The following PELI3 variants were observed in gnomAD, a reference collection of about 807,000 sequenced individuals.
PELI3 encodes pellino E3 ubiquitin protein ligase family member 3, also known as E3 ubiquitin-protein ligase pellino homolog 3.
In PELI3, 19 loss-of-function variants were observed where a neutral mutation model predicts 35.5. The observed-to-expected ratio is 0.54, with a 90% CI of 0.37 to 0.79. The LOEUF is 0.79. Among genes scored for constraint, PELI3 ranks in the 30% least tolerant of loss-of-function variants. The pLI, the probability that PELI3 is intolerant of heterozygous loss-of-function variation, is 0.00. For synonymous variants in PELI3, 262 were observed against 279.2 expected (o/e 0.94, Z 0.62); for missense variants, 490 against 661.2 (o/e 0.74, Z 2.84).
In PELI3 at chr11:66,475,946, T is replaced by C; in HGVS notation, c.1189T>C (p.Trp397Arg). The change falls in exon 8 of 8, where the codon TGG becomes CGG. Residue 397 changes from tryptophan (W) to arginine (R), a missense_variant. Physicochemically the swap from Trp to Arg is moderately radical, Grantham distance 101. Coordinates refer to ENST00000320740, the MANE Select transcript of PELI3 (RefSeq NM_145065.3). ...CRLVGPYVPL[W>R]LGQEAGLCLD... The stretch of plus-strand genomic sequence containing the variant: ...CCTTGTGGGGCCTTATGTGCCTCTA[T>C]GGCTTGGCCAGGAGGCCGGCCTCTG... The C allele has an allele frequency of 1.2e-6, 2 of 1,611,614 alleles. No homozygotes were observed. Among genetic ancestry groups the C allele is most frequent in the East Asian group, 2.2e-5 (1 of 44,872 alleles).
chr11:66,473,877 T>G lies in PELI3; in HGVS notation c.792T>G (p.Asn264Lys), dbSNP rs766703005. The part of the protein sequence containing the change: ...GVWREISVCG[N>K]VYTLRDSRSA... ...GGCGGGAGATCTCGGTCTGTGGGAA[T>G]GTGTACACATTGCGGGACAGCCGCT... The change falls in exon 7 of 8, where the codon AAT (asparagine) becomes AAG (lysine). Residue 264 changes from asparagine to lysine, a missense_variant. Coordinates refer to ENST00000320740, the MANE Select transcript of PELI3 (RefSeq NM_145065.3). The surrounding 1 kb of genome is among the most constrained non-coding windows in gnomAD (Gnocchi z 5.8). 3.6e-5 allele frequency: 58 copies of G among 1,613,584 alleles called. No homozygotes were observed. In the East Asian group the frequency reaches 1.2e-3, roughly 35 times the overall value.
chr11:66,470,814 G>A (rs1220345571), intron 3 of PELI3, among the ~76,000 whole-genome samples: 3 of 152,182 alleles, frequency 2.0e-5, no homozygotes, highest in Admixed American at 1.3e-4. Context: ...TGATCCTAGG[G>A]CGAGAATTCC....
At chr11:66,472,182 C>T (rs575015649) in intron 4 of PELI3, among the ~76,000 whole-genome samples, 187 bp from the exon 5 acceptor site, 5 of 152,204 alleles carry the variant, frequency 3.3e-5, no homozygotes, top group African/African-American at 1.2e-4. Flanking sequence ...CCTGATAACC[C>T]CATCCTTAGG....
Position 66,473,562 on chromosome 11 carries a change from C to A in PELI3, c.651+127C>A. ...AAATGGTGGTCCTGGCAGTTAGCAA[C>A]CCCACCTAACTGATGAGCAAAGTGA... On this transcript the variant is annotated intron_variant, in intron 6 of 7. Coordinates refer to ENST00000320740, the MANE Select transcript of PELI3 (RefSeq NM_145065.3). This position sits in a 1 kb window ranked among gnomAD's most constrained non-coding sequence, Gnocchi z 5.8. 7.6e-7 allele frequency: 1 copy of A among 1,313,210 alleles called. No homozygotes were observed. Among genetic ancestry groups the A allele is most frequent in the African/African-American group, 1.5e-5 (1 of 67,360 alleles). The allele number at this position is 1,313,210 out of a possible 1,614,324, so 81.3% of individuals were successfully genotyped here. A position where few individuals can be genotyped will look rare whatever the true frequency, so the allele number is the denominator to read the frequency against.
At position 66,476,164 on chromosome 11, in the gene PELI3, T is replaced by C. The variant is rs1266632064; in HGVS notation, c.1407T>C (p.Asp469=). 1 of 1,544,322 alleles carries C rather than the reference T, an allele frequency of 6.5e-7. No individual in the cohort carries two copies. Among genetic ancestry groups the C allele is most frequent in the South Asian group, 1.2e-5 (1 of 85,272 alleles). Residue 469 remains aspartate (D), a synonymous_variant, in exon 8 of 8, where the codon GAT becomes GAC. Transcript: ENST00000320740. The part of the protein sequence containing the change: ...CVRLIFQGPL[D] The stretch of plus-strand genomic sequence containing the variant: ...GCCTCATTTTCCAGGGCCCGCTGGA[T>C]TAGGCTCCCTGGGGCCCCCTGCTGC...
Position 66,476,239 on chromosome 11 carries a change from C to T in PELI3, c.*72C>T. The stretch of plus-strand genomic sequence containing the variant: ...CCCACCTCCTGCAGCCCAGAGGGAG[C>T]TCTGCATGTGGGACACTCCCTGCTG... On this transcript the variant is annotated 3_prime_UTR_variant, in exon 8 of 8. Transcript: ENST00000320740. 2 of 1,425,076 alleles carry T rather than the reference C, an allele frequency of 1.4e-6. No homozygotes were observed. The highest frequency in any genetic ancestry group is 1.9e-6 in the Non-Finnish European group (2 of 1,065,154). 88.3% of individuals were successfully genotyped at this position (1,425,076 alleles called of 1,614,324 possible).
In PELI3 at chr11:66,473,273, C is replaced by A. The variant is rs754503996; in HGVS notation, c.489C>A (p.Phe163Leu). Residue 163 changes from phenylalanine to leucine, a missense_variant, in exon 6 of 8, where the codon TTC (phenylalanine) becomes TTA (leucine). Phe to Leu is a conservative substitution (Grantham distance 22). Around this residue, in one of 3 missense-constraint regions of PELI3, gnomAD observed 349 missense variants for 484.8 expected, o/e 0.72. Transcript: ENST00000320740. This position sits in a 1 kb window ranked among gnomAD's most constrained non-coding sequence, Gnocchi z 5.8. Reference protein sequence around the residue: ...IGRSTENMIDFVVTDTSPGGG... With the variant: ...IGRSTENMIDLVVTDTSPGGG... ...GCTCCACAGAGAACATGATTGACTTCGTGGTAACAGACACGTCCCCTGGAG... is the reference window on the plus strand; with the variant it reads ...GCTCCACAGAGAACATGATTGACTTAGTGGTAACAGACACGTCCCCTGGAG... The A allele has an allele frequency of 1.9e-6, 3 of 1,612,876 alleles. No homozygotes were observed. Among genetic ancestry groups the A allele is most frequent in the African/African-American group, 2.7e-5 (2 of 74,900 alleles).
At chr11:66,475,494 T>TGCCCTGCCC (rs1590722914) in intron 7 of PELI3, 104 bp from the exon 8 acceptor site, 1 of 1,308,110 alleles carries the variant, frequency 7.6e-7, no homozygotes, top group East Asian at 2.3e-5. Flanking sequence ...CTGCCCTGCC[T>TGCCCTGCCC]GCCCTGCCCG....
chr11:66,472,238 A>G (rs1854748224), intron 4 of PELI3, 131 bp from the exon 5 acceptor site: 1 of 664,702 alleles, frequency 1.5e-6, no homozygotes, highest in Non-Finnish European at 2.7e-6. Flanking sequence ...TGCACTGTCC[A>G]CCCTCTGAGA....
At chr11:66,471,176 G>A (rs1854701405) in intron 3 of PELI3, 66 bp from the exon 4 acceptor site, 3 of 1,523,046 alleles carry the variant, frequency 2.0e-6, no homozygotes, top group East Asian at 2.3e-5. Context: ...TCTCATCAGG[G>A]GTTCACTTTC....
intron 1 of PELI3, 82 bp from the exon 2 acceptor site, chr11:66,468,046 G>A (rs1854596051): frequency 2.0e-6 from 3 of 1,473,186 alleles, no homozygotes; most frequent in Non-Finnish European, 1.8e-6. Flanking sequence ...TAGCCTAGGC[G>A]GCCCTGCAGC....
At position 66,471,228 on chromosome 11, in the gene PELI3, C is replaced by T. The variant is rs1210012022; in HGVS notation, c.225-14C>T. On this transcript the variant is annotated splice_polypyrimidine_tract_variant and intron_variant, in intron 3 of 7. Transcript: ENST00000320740. ...CTCTTGCAACCCCTTCTTCTTAACC[C>T]CCGACATCTACAGCTACAATGGTTG... is the stretch of plus-strand genomic sequence containing the variant. The T allele has an allele frequency of 6.2e-7, 1 of 1,606,020 alleles. No individual in the cohort carries two copies. The highest frequency in any genetic ancestry group is 1.3e-5 in the African/African-American group (1 of 74,804).
Position 66,473,868 on chromosome 11 carries a change from C to T in PELI3, c.783C>T (p.Val261=). 1 of 1,613,714 alleles carries T rather than the reference C, an allele frequency of 6.2e-7. No homozygotes were observed. The highest frequency in any genetic ancestry group is 8.5e-7 in the Non-Finnish European group (1 of 1,179,992). The part of the protein sequence containing the change: ...SAPGVWREIS[V]CGNVYTLRDS... The stretch of plus-strand genomic sequence containing the variant: ...CGGGTGTCTGGCGGGAGATCTCGGT[C>T]TGTGGGAATGTGTACACATTGCGGG... The change falls in exon 7 of 8, where the codon GTC becomes GTT. Residue 261 remains valine (V), a synonymous_variant. Coordinates refer to ENST00000320740, the MANE Select transcript of PELI3 (RefSeq NM_145065.3). This position sits in a 1 kb window ranked among gnomAD's most constrained non-coding sequence, Gnocchi z 5.8.
intron 3 of PELI3, among the ~76,000 whole-genome samples, chr11:66,469,612 G>C (rs1854645894): frequency 6.6e-6 from 1 of 152,176 alleles, no homozygotes; most frequent in Non-Finnish European, 1.5e-5. Flanking sequence ...CCCAAGGCAA[G>C]GCCACTAATG....
intron 2 of PELI3, among the ~76,000 whole-genome samples, chr11:66,468,529 C>T (rs545006446): frequency 2.0e-5 from 3 of 152,314 alleles, no homozygotes; most frequent in African/African-American, 7.2e-5. Context: ...AAAATGTTAA[C>T]ACCAGCTGCC....
Position 66,475,776 on chromosome 11 carries a change from C to G in PELI3, c.1019C>G (p.Ala340Gly). The G allele has an allele frequency of 6.2e-7, 1 of 1,609,830 alleles. No individual in the cohort carries two copies. The highest frequency in any genetic ancestry group is 8.5e-7 in the Non-Finnish European group (1 of 1,178,922). ...TGCCCCGTGGGCCTCAGCACTCTGGCCTTCCCCAGCCCAGCCCGTGGCCGC... is the reference window on the plus strand; with the variant it reads ...TGCCCCGTGGGCCTCAGCACTCTGGGCTTCCCCAGCCCAGCCCGTGGCCGC... ...PQCPVGLSTL[A>G]FPSPARGRTA... is the part of the protein sequence containing the mutation. The change falls in exon 8 of 8, where the codon GCC (alanine) becomes GGC (glycine). Residue 340 changes from alanine to glycine, a missense_variant. This residue lies in a region of PELI3 where 349 missense variants were observed against 484.8 expected (regional missense o/e 0.72). Transcript: ENST00000320740.
chr11:66,466,852 A>T (rs1349850354), upstream of PELI3: 2 of 151,926 alleles, frequency 1.3e-5, no homozygotes, highest in African/African-American at 4.8e-5. Flanking sequence ...GGGCCTCCGG[A>T]CAGGGGGCGG....
chr11:66,473,865 G>T lies in PELI3; in HGVS notation c.780G>T (p.Ser260=). ...DSAPGVWREI[S]VCGNVYTLRD... ...CCCCGGGTGTCTGGCGGGAGATCTC[G>T]GTCTGTGGGAATGTGTACACATTGC... Residue 260 remains serine, a synonymous_variant, in exon 7 of 8, where the codon TCG becomes TCT. Transcript: ENST00000320740. The surrounding 1 kb of genome is among the most constrained non-coding windows in gnomAD (Gnocchi z 5.8). The T allele has an allele frequency of 1.2e-6, 2 of 1,613,770 alleles. No individual in the cohort carries two copies. Among genetic ancestry groups the T allele is most frequent in the Non-Finnish European group, 1.7e-6 (2 of 1,180,002 alleles).
upstream of PELI3, chr11:66,466,695 G>A (rs1220967256): frequency 6.6e-6 from 1 of 152,338 alleles, no homozygotes; most frequent in East Asian, 1.9e-4. Context: ...GTGGAGAGCG[G>A]GGCTTCCCTG....
Sources: gnomAD v4.1 joint callset for allele counts (sites outside exome capture counted in the v4.1 genomes callset) on GRCh38, gnomAD v4.1.1 for gene constraint, gnomAD v4.1.1 regional missense constraint, Gnocchi (gnomAD v3.1) non-coding constraint, MANE v1.5 for transcripts, NCBI Gene and HGNC (gene_info 2026-07-23, HGNC 2026-07-21) for gene names.